ARHGEF17: variants seen among roughly 807,000 people sequenced by gnomAD.
ARHGEF17 encodes the protein Rho guanine nucleotide exchange factor 17, also known as 164 kDa Rho-specific guanine-nucleotide exchange factor.
In ARHGEF17, 80 loss-of-function variants were observed where a neutral mutation model predicts 174.0. The observed-to-expected ratio is 0.46, with a 90% CI of 0.38 to 0.55. The LOEUF (loss-of-function observed/expected upper bound fraction) is 0.55, where lower values mean the gene tolerates loss of function less well. ARHGEF17 is among the 20% of genes least tolerant of loss of function. ARHGEF17 has a pLI of 0.00. For synonymous variants in ARHGEF17, 1,311 were observed against 1,189.1 expected (o/e 1.10, Z -2.11); for missense variants, 2,886 against 2,839.7 (o/e 1.02, Z -0.37).
rs528483270 is a variant in ARHGEF17 at position 73,309,030 on chromosome 11, A to G, written c.392A>G (p.Lys131Arg). 2.8e-4 allele frequency: 406 copies of G among 1,428,422 alleles called. 4 individuals are homozygous for G. In the South Asian group the frequency reaches 5.5e-3, roughly 19 times the overall value. The allele number at this position is 1,428,422 out of a possible 1,614,324, so 88.5% of individuals were successfully genotyped here. Residue 131 changes from lysine (K) to arginine (R), a missense_variant, in exon 1 of 21, where the codon AAG (lysine) becomes AGG (arginine). Lys to Arg is a conservative substitution (Grantham distance 26, BLOSUM62 2). Around this residue, in one of 4 missense-constraint regions of ARHGEF17, gnomAD observed 1,728 missense variants for 1,461.2 expected, o/e 1.18. Transcript: ENST00000263674. ...TGGCCCAGCGTCACCGAGATGCGCA[A>G]GCTCTTCGGCGGTCCTGGCTCCAGG... ...GAWPSVTEMR[K>R]LFGGPGSRRP...
rs1294457889 is a variant in ARHGEF17 at position 73,308,606 on chromosome 11, G to A, written c.-33G>A. On this transcript the variant is annotated 5_prime_UTR_variant, in exon 1 of 21. Coordinates refer to ENST00000263674, the MANE Select transcript of ARHGEF17 (RefSeq NM_014786.4). Reference sequence around the variant, plus strand: ...CAGGGGGGGTTGGCCGCGGCTGCCCGAGGCCAGCCCCCCCGGAGTGAGTTA... The same window carrying A: ...CAGGGGGGGTTGGCCGCGGCTGCCCAAGGCCAGCCCCCCCGGAGTGAGTTA... 5 of 1,413,394 alleles carry A rather than the reference G, an allele frequency of 3.5e-6. No individual in the cohort carries two copies. 87.6% of individuals were successfully genotyped at this position (1,413,394 alleles called of 1,614,324 possible). A position where few individuals can be genotyped will look rare whatever the true frequency, so the allele number is the denominator to read the frequency against.
Position 73,352,928 on chromosome 11 carries a change from C to T in ARHGEF17, c.3369C>T (p.His1123=), listed in dbSNP as rs1355384689. 6.2e-7 allele frequency: 1 copy of T among 1,614,160 alleles called. No individual in the cohort carries two copies. The highest frequency in any genetic ancestry group is 8.5e-7 in the Non-Finnish European group (1 of 1,180,042). ...ACCAGATCCCCGAGCTCCTGGAGCA[C>T]CACGAGCAATTCCTGGAGCAGGTTC... ...IFDQIPELLE[H]HEQFLEQVRH... The change falls in exon 3 of 21, where the codon CAC becomes CAT. Residue 1123 remains histidine (H), a synonymous_variant. Coordinates refer to ENST00000263674, the MANE Select transcript of ARHGEF17 (RefSeq NM_014786.4).
Position 73,309,157 on chromosome 11 carries a change from T to G in ARHGEF17, c.519T>G (p.Pro173=). The G allele has an allele frequency of 6.3e-7, 1 of 1,587,670 alleles. No homozygotes were observed. Among genetic ancestry groups the G allele is most frequent in the Non-Finnish European group, 8.6e-7 (1 of 1,168,366 alleles). The stretch of plus-strand genomic sequence containing the variant: ...CGCGGCAGCCACCGACGCCACCCCC[T>G]CGGACATGCTTCCCCCTGGCGGGTC... The part of the protein sequence containing the change: ...RESRQPPTPP[P]RTCFPLAGLR... Residue 173 remains proline, a synonymous_variant, in exon 1 of 21, where the codon CCT becomes CCG. Transcript: ENST00000263674.
In ARHGEF17 at chr11:73,309,429, C is replaced by T. The variant is rs376696316; in HGVS notation, c.791C>T (p.Ala264Val). The change falls in exon 1 of 21, where the codon GCC (alanine) becomes GTC (valine). Residue 264 changes from alanine (A) to valine (V), a missense_variant. Physicochemically the swap from Ala to Val is moderately conservative, Grantham distance 64. Transcript: ENST00000263674. The stretch of plus-strand genomic sequence containing the variant: ...GAGGGCCCGCCGCAGCTGCCTGGAG[C>T]CCAGAGTCCGGCCTACCACGGCGGC... ...EEEGPPQLPG[A>V]QSPAYHGGHS... 1 of 1,545,608 alleles carries T rather than the reference C, an allele frequency of 6.5e-7. No individual in the cohort carries two copies.
At chr11:73,315,940 C>T (rs1252288666) in intron 1 of ARHGEF17, among the ~76,000 whole-genome samples, 2 of 151,840 alleles carry the variant, frequency 1.3e-5, no homozygotes, top group Non-Finnish European at 2.9e-5. Flanking sequence ...TCCCTCCCAC[C>T]CTCCCATCTG....
chr11:73,364,974 G>C, intron 18 of ARHGEF17: 1 of 300,936 alleles, frequency 3.3e-6, no homozygotes, highest in South Asian at 5.3e-5. Flanking sequence ...GAAGTATCCA[G>C]GGGCAACGGG....
In ARHGEF17 at chr11:73,309,058, G is replaced by A. The variant is rs1864750145; in HGVS notation, c.420G>A (p.Arg140=). Reference sequence around the variant, plus strand: ...TCTTCGGCGGTCCTGGCTCCAGGAGGCCCAGCGCCGACTCTGAATCCCCAG... The same window carrying A: ...TCTTCGGCGGTCCTGGCTCCAGGAGACCCAGCGCCGACTCTGAATCCCCAG... The part of the protein sequence containing the change: ...RKLFGGPGSR[R]PSADSESPGT... Residue 140 remains arginine, a synonymous_variant, in exon 1 of 21, where the codon AGG becomes AGA. Transcript: ENST00000263674. The A allele has an allele frequency of 2.0e-6, 3 of 1,503,790 alleles. No individual in the cohort carries two copies. Among genetic ancestry groups the A allele is most frequent in the South Asian group, 1.2e-5 (1 of 80,752 alleles). The allele number at this position is 1,503,790 out of a possible 1,614,324, so 93.2% of individuals were successfully genotyped here.
intron 1 of ARHGEF17, among the ~76,000 whole-genome samples, chr11:73,322,472 G>T (rs1565190662): frequency 6.6e-6 from 1 of 152,346 alleles, no homozygotes; most frequent in East Asian, 1.9e-4. Context: ...TAGTGGACTA[G>T]AGCCAGAAAT....
In ARHGEF17 at chr11:73,308,528, C is replaced by T. The variant is rs976972249; in HGVS notation, c.-111C>T. Reference sequence around the variant, plus strand: ...CCGGTCTCTGCGTCCTCTTCCCACACTCCCGTGCGCTGCTTTCGGCGTGGG... The same window carrying T: ...CCGGTCTCTGCGTCCTCTTCCCACATTCCCGTGCGCTGCTTTCGGCGTGGG... On this transcript the variant is annotated 5_prime_UTR_variant, in exon 1 of 21. Coordinates refer to ENST00000263674, the MANE Select transcript of ARHGEF17 (RefSeq NM_014786.4). 7.1e-6 allele frequency: 7 copies of T among 981,432 alleles called. No individual in the cohort carries two copies. The highest frequency in any genetic ancestry group is 8.4e-5 in the Admixed American group (2 of 23,696). 60.8% of individuals were successfully genotyped at this position (981,432 alleles called of 1,614,324 possible).
Position 73,311,103 on chromosome 11 carries a change from C to T in ARHGEF17, c.2465C>T (p.Ala822Val), listed in dbSNP as rs1591715127. 6.2e-7 allele frequency: 1 copy of T among 1,607,032 alleles called. No individual in the cohort carries two copies. ...GTGGACGACAGGATTGCTGGCAAAG[C>T]CCCCAAGAAGAAATCCCTGAGTGAC... ...RVVDDRIAGK[A>V]PKKKSLSDPS... Residue 822 changes from alanine (A) to valine (V), a missense_variant, in exon 1 of 21, where the codon GCC (alanine) becomes GTC (valine). By Grantham distance (64) the Ala-to-Val change is moderately conservative. This residue lies in a region of ARHGEF17 where 1,728 missense variants were observed against 1,461.2 expected (regional missense o/e 1.18). Transcript: ENST00000263674.
chr11:73,363,294 C>T lies in ARHGEF17; in HGVS notation c.5085C>T (p.Gly1695=). The T allele has an allele frequency of 6.2e-7, 1 of 1,612,478 alleles. No homozygotes were observed. The highest frequency in any genetic ancestry group is 1.1e-5 in the South Asian group (1 of 91,040). The change falls in exon 15 of 21, where the codon GGC becomes GGT. Residue 1695 remains glycine (G), a synonymous_variant. Transcript: ENST00000263674. ...AGCCAGGCTTCCTGCCACTGTCTGG[C>T]TCCTTTGGGCCTGGTGGTCCCTGCG... ...EQEPGFLPLS[G]SFGPGGPCGT...
chr11:73,337,408 A>G (rs1247915857), intron 1 of ARHGEF17, among the ~76,000 whole-genome samples: 3 of 143,578 alleles, frequency 2.1e-5, no homozygotes, highest in Admixed American at 6.8e-5. Context: ...TGTCTCAAGA[A>G]AAAAAAAAAA....
chr11:73,351,052 C>T (rs796784850), intron 2 of ARHGEF17, among the ~76,000 whole-genome samples: 2 of 152,116 alleles, frequency 1.3e-5, no homozygotes, highest in Non-Finnish European at 2.9e-5. Flanking sequence ...TGTGGGGTGC[C>T]GGGACCCTGA....
At chr11:73,332,579 A>G (rs1352492120) in intron 1 of ARHGEF17, among the ~76,000 whole-genome samples, 1 of 151,994 alleles carries the variant, frequency 6.6e-6, no homozygotes, top group East Asian at 1.9e-4. Flanking sequence ...TGCTGTGGAA[A>G]AGGCTGAGTG....
At chr11:73,353,045 G>A (rs371298831) in intron 3 of ARHGEF17, 33 bp downstream of exon 3, 24 of 1,610,378 alleles carry the variant, frequency 1.5e-5, no homozygotes, top group Non-Finnish European at 1.3e-5. Flanking sequence ...ATTCCCACAA[G>A]CACAGGCCCT....
intron 9 of ARHGEF17, 51 bp from the exon 10 acceptor site, chr11:73,359,783 C>A: frequency 6.8e-7 from 1 of 1,460,714 alleles, no homozygotes; most frequent in Non-Finnish European, 9.2e-7. Context: ...CTGTCCCAGC[C>A]TGACCTTGTC....
At position 73,365,291 on chromosome 11, in the gene ARHGEF17, TG is replaced by T; in HGVS notation, c.5551-98del. 1.5e-6 allele frequency: 2 copies of T among 1,370,304 alleles called. No homozygotes were observed. Among genetic ancestry groups the T allele is most frequent in the Non-Finnish European group, 2.0e-6 (2 of 984,404 alleles). 84.9% of individuals were successfully genotyped at this position (1,370,304 alleles called of 1,614,324 possible). On this transcript the variant is annotated intron_variant, in intron 18 of 20. Transcript: ENST00000263674. This position sits in a 1 kb window ranked among gnomAD's most constrained non-coding sequence, Gnocchi z 4.9. ...TAATCAGACCAAGGACCAACGCTAGTGTGAGTTGTGAGGGATGGACACTGGT... is the reference window on the plus strand; with the variant it reads ...TAATCAGACCAAGGACCAACGCTAGTTGAGTTGTGAGGGATGGACACTGGT...
Position 73,311,056 on chromosome 11 carries a change from G to T in ARHGEF17, c.2418G>T (p.Gly806=). 6.2e-7 allele frequency: 1 copy of T among 1,610,812 alleles called. No individual in the cohort carries two copies. Among genetic ancestry groups the T allele is most frequent in the Non-Finnish European group, 8.5e-7 (1 of 1,176,862 alleles). The part of the protein sequence containing the change: ...YQEVIQSIVQ[G]PGTLGRVVDD... ...AGGTTATTCAGAGCATAGTTCAGGG[G>T]CCTGGCACCCTGGGGCGTGTGGTGG... is the stretch of plus-strand genomic sequence containing the variant. Residue 806 remains glycine (G), a synonymous_variant, in exon 1 of 21, where the codon GGG becomes GGT. Coordinates refer to ENST00000263674, the MANE Select transcript of ARHGEF17 (RefSeq NM_014786.4).
In ARHGEF17 at chr11:73,309,374, C is replaced by A; in HGVS notation, c.736C>A (p.Arg246Ser). The A allele has an allele frequency of 6.3e-7, 1 of 1,591,280 alleles. No homozygotes were observed. The highest frequency in any genetic ancestry group is 1.1e-5 in the South Asian group (1 of 88,704). ...IAASYPVSRS[R>S]AASSSEEEEE... ...CGCCTCCTATCCTGTCAGCCGCAGT[C>A]GTGCTGCCAGCTCCAGCGAGGAGGA... Residue 246 changes from arginine (R) to serine (S), a missense_variant, in exon 1 of 21, where the codon CGT becomes AGT. Around this residue, in one of 4 missense-constraint regions of ARHGEF17, gnomAD observed 1,728 missense variants for 1,461.2 expected, o/e 1.18. Coordinates refer to ENST00000263674, the MANE Select transcript of ARHGEF17 (RefSeq NM_014786.4).
Sources: allele counts gnomAD v4.1 joint callset (sites outside exome capture counted in the v4.1 genomes callset), GRCh38; gene constraint gnomAD v4.1.1; regional missense constraint gnomAD v4.1.1; non-coding constraint Gnocchi (gnomAD v3.1); transcripts MANE v1.5; gene names NCBI Gene and HGNC (gene_info 2026-07-23, HGNC 2026-07-21).